USP28: variants seen among roughly 807,000 people sequenced by gnomAD.
USP28 encodes ubiquitin specific peptidase 28.
In USP28, 113 loss-of-function variants were observed where a neutral mutation model predicts 145.0. That is an observed-to-expected ratio of 0.78 (90% confidence interval 0.67 to 0.91). USP28 has a LOEUF of 0.91. Among genes scored for constraint, USP28 ranks in the 40% least tolerant of loss-of-function variants. USP28 has a pLI of 0.00. For synonymous variants in USP28, 447 were observed against 450.9 expected (o/e 0.99, Z 0.11); for missense variants, 1,201 against 1,289.6 (o/e 0.93, Z 1.05).
chr11:113,853,133 T>C (rs544116919), intron 2 of USP28, among the ~76,000 whole-genome samples: 18 of 151,618 alleles, frequency 1.2e-4, no homozygotes, highest in South Asian at 6.3e-4. Flanking sequence ...CAAAACCCCA[T>C]CCCTACCAAA....
chr11:113,814,041 G>T, intron 14 of USP28, 86 bp from the exon 15 acceptor site: 1 of 966,022 alleles, frequency 1.0e-6, no homozygotes, highest in Non-Finnish European at 1.6e-6. Flanking sequence ...AAAGAATATT[G>T]CTAGGGTCCT....
At chr11:113,810,653 C>T (rs536563622) in intron 16 of USP28, among the ~76,000 whole-genome samples, 4 of 152,282 alleles carry the variant, frequency 2.6e-5, no homozygotes, top group African/African-American at 4.8e-5. Context: ...AGAAAGATAA[C>T]GTGCTGCCTG....
At chr11:113,861,998 T>C (rs918057230) in intron 1 of USP28, among the ~76,000 whole-genome samples, 1 of 152,234 alleles carries the variant, frequency 6.6e-6, no homozygotes, top group African/African-American at 2.4e-5. Flanking sequence ...ATAGCAATGG[T>C]AAAATTTTAA....
intron 17 of USP28, 33 bp downstream of exon 17, chr11:113,809,030 C>G: frequency 6.2e-7 from 1 of 1,600,222 alleles, no homozygotes; most frequent in Non-Finnish European, 8.5e-7. Flanking sequence ...TGAGATGTTA[C>G]TGGATCACTG....
At chr11:113,839,917 G>A (rs1945005011) in intron 5 of USP28, among the ~76,000 whole-genome samples, 1 of 152,184 alleles carries the variant, frequency 6.6e-6, no homozygotes, top group African/African-American at 2.4e-5. Context: ...AGCTACTGGA[G>A]AGGCAGGAGA....
chr11:113,862,869 GA>G (rs1947835662), intron 1 of USP28, among the ~76,000 whole-genome samples: 2 of 151,934 alleles, frequency 1.3e-5, no homozygotes, highest in Admixed American at 1.3e-4. Flanking sequence ...AGAAAACTAG[GA>G]ATAAAAGGTA....
At chr11:113,801,813 G>T in intron 23 of USP28, 135 bp from the exon 25 acceptor site, 1 of 635,766 alleles carries the variant, frequency 1.6e-6, no homozygotes, top group Non-Finnish European at 2.5e-6. Flanking sequence ...AACTACTGAT[G>T]CCTGGTTCCC....
At chr11:113,815,467 A>T in intron 13 of USP28, 85 bp from the exon 14 acceptor site, 1 of 1,298,306 alleles carries the variant, frequency 7.7e-7, no homozygotes, top group Non-Finnish European at 1.1e-6. Context: ...GCAAGATGCT[A>T]TATGAAAAAG....
intron 3 of USP28, among the ~76,000 whole-genome samples, chr11:113,846,592 CTA>C (rs1945875242): frequency 1.3e-5 from 2 of 152,138 alleles, no homozygotes; most frequent in African/African-American, 4.8e-5. Flanking sequence ...CTACTGAACT[CTA>C]CATTTAAGAA....
intron 2 of USP28, among the ~76,000 whole-genome samples, chr11:113,853,062 G>T (rs2136493311): frequency 6.6e-6 from 1 of 152,258 alleles, no homozygotes; most frequent in African/African-American, 2.4e-5. Flanking sequence ...CAGCACACTG[G>T]GAGGCCAAGG....
chr11:113,803,220 T>A lies in USP28; in HGVS notation c.2800A>T (p.Lys934Ter). 1 of 1,614,160 alleles carries A rather than the reference T, an allele frequency of 6.2e-7. No homozygotes were observed. Among genetic ancestry groups the A allele is most frequent in the Non-Finnish European group, 8.5e-7 (1 of 1,180,012 alleles). The change falls in exon 23 of 25, where the codon AAG becomes TAG. Residue 934 changes from lysine (K) to a stop codon, truncating the protein, a stop_gained. Transcript: ENST00000003302. LOFTEE classifies it high-confidence loss of function. ...TCTTTGACCCCCCGGCGGGGCCCCT[T>A]CATCAGCAGGGCAGCATTGCTCTGG...
At chr11:113,849,636 T>A (rs897617233) in intron 3 of USP28, among the ~76,000 whole-genome samples, 6 of 152,068 alleles carry the variant, frequency 3.9e-5, no homozygotes, top group African/African-American at 1.4e-4. Flanking sequence ...AGAAATCCCT[T>A]AGATGTGTTG....
At chr11:113,799,137 T>G in exon 25 of USP28, 1 of 1,304,368 alleles carries the variant, frequency 7.7e-7, no homozygotes, top group Non-Finnish European at 1.1e-6. Context: ...CGGAATCTTA[T>G]GTGCCCACCT....
chr11:113,841,757 G>A (rs1945219023), exon 4 of USP28: 1 of 1,610,706 alleles, frequency 6.2e-7, no homozygotes, highest in African/African-American at 1.3e-5. Context: ...TCATGAGTAA[G>A]GTCTATAACT....
chr11:113,823,954 T>G (rs1446715728), intron 11 of USP28, among the ~76,000 whole-genome samples: 1 of 152,032 alleles, frequency 6.6e-6, no homozygotes, highest in East Asian at 1.9e-4. Context: ...GAAAAACAAA[T>G]GAAAGGCATG....
At chr11:113,801,778 T>C (rs368055967) in intron 23 of USP28, 100 bp from the exon 25 acceptor site, 5 of 939,318 alleles carry the variant, frequency 5.3e-6, no homozygotes, top group East Asian at 5.3e-5. Context: ...TTACTGCACA[T>C]TGGATGTACT....
At position 113,805,057 on chromosome 11, in the gene USP28, C is replaced by A. The variant is rs1312302640; in HGVS notation, c.2401-11G>T. ...TTCTTCATGGAATGCCTATTAAGGG[C>A]AGAATCAATGGTTAGAAAATAGTGT... On this transcript the variant is annotated splice_polypyrimidine_tract_variant and intron_variant, in intron 19 of 24. Coordinates refer to ENST00000003302, the Ensembl canonical transcript of USP28. 1 of 1,611,354 alleles carries A rather than the reference C, an allele frequency of 6.2e-7. No homozygotes were observed. Among genetic ancestry groups the A allele is most frequent in the East Asian group, 2.2e-5 (1 of 44,862 alleles).
chr11:113,808,567 G>T, intron 17 of USP28, 130 bp from the exon 18 acceptor site: 3 of 953,264 alleles, frequency 3.1e-6, no homozygotes, highest in Non-Finnish European at 4.3e-6. Flanking sequence ...AAAAGCCTAT[G>T]CAGATTTTCC....
chr11:113,852,579 T>C, exon 3 of USP28: 2 of 1,614,204 alleles, frequency 1.2e-6, no homozygotes, highest in Non-Finnish European at 1.7e-6. Context: ...CTGGGCTCCT[T>C]AACTCTCTCA....
Sources: allele counts gnomAD v4.1 joint callset (sites outside exome capture counted in the v4.1 genomes callset), GRCh38; gene constraint gnomAD v4.1.1; transcripts MANE v1.5; gene names NCBI Gene and HGNC (gene_info 2026-07-23, HGNC 2026-07-21).